The following TTC21B variants were observed in gnomAD, a reference collection of about 807,000 sequenced individuals.
TTC21B encodes tetratricopeptide repeat protein 21B.
A neutral mutation model predicts 175.1 loss-of-function variants in TTC21B; 127 were observed. That is an observed-to-expected ratio of 0.73 (90% CI 0.63 to 0.84). The LOEUF is 0.84. Ranked by LOEUF, TTC21B falls within the 40% of genes least tolerant of loss-of-function variation. The pLI is 0.00. For missense variants in TTC21B, 1,561 were observed against 1,558.3 expected (o/e 1.00, Z -0.03); for synonymous variants, 524 against 524.5 (o/e 1.00, Z 0.01).
chr2:165,878,971 T>C (rs3791842), intron 27 of TTC21B, among the ~76,000 whole-genome samples: 107,842 of 151,774 alleles, frequency 0.71, 38,856 homozygotes, highest in African/African-American at 0.83. Flanking sequence ...TGTGAGCCAC[T>C]GCGCCTGGCC....
Position 165,933,060 on chromosome 2 carries a change from G to T in TTC21B, c.711-3C>A, listed in dbSNP as rs777108864. On this transcript the variant is annotated splice_polypyrimidine_tract_variant and splice_region_variant and intron_variant, in intron 6 of 28. Transcript: ENST00000243344. ...TTTGGCTATCTTGGAGCAGCAACCTGCAGGAAAACAATTTAGTTAATGTCA... is the reference window on the plus strand; with the variant it reads ...TTTGGCTATCTTGGAGCAGCAACCTTCAGGAAAACAATTTAGTTAATGTCA... The T allele has an allele frequency of 1.2e-6, 2 of 1,611,162 alleles. No homozygotes were observed. The highest frequency in any genetic ancestry group is 8.5e-7 in the Non-Finnish European group (1 of 1,178,472).
intron 4 of TTC21B, 72 bp from the exon 5 acceptor site, chr2:165,943,413 G>A (rs1360983222): frequency 1.6e-6 from 2 of 1,225,278 alleles, no homozygotes; most frequent in African/African-American, 3.0e-5. Flanking sequence ...AGAGCCTAAT[G>A]TCATTTTTCT....
intron 15 of TTC21B, among the ~76,000 whole-genome samples, chr2:165,914,113 AT>A (rs1686056170): frequency 6.6e-6 from 1 of 152,204 alleles, no homozygotes; most frequent in Non-Finnish European, 1.5e-5. Context: ...TGTTGCTTAC[AT>A]TTGACCTGAA....
rs1290230939 is a variant in TTC21B, at chr2:165,929,219, A to G, written c.1302T>C (p.Pro434=). ...GCTTTTCAAAATACTGTATGCCAAG[A>G]GGCAAACCTTCTAATTGTGAAAAGT... ...DTHFSQLEGL[P]LGIQYFEKLN... The change falls in exon 11 of 29, where the codon CCT becomes CCC. Residue 434 remains proline, a synonymous_variant. Transcript: ENST00000243344. The G allele has an allele frequency of 1.2e-6, 2 of 1,612,928 alleles. No homozygotes were observed. The highest frequency in any genetic ancestry group is 1.3e-5 in the African/African-American group (1 of 74,910).
At chr2:165,937,972 G>A (rs908691364) in intron 6 of TTC21B, among the ~76,000 whole-genome samples, 1 of 151,990 alleles carries the variant, frequency 6.6e-6, no homozygotes, top group Admixed American at 6.6e-5. Flanking sequence ...TACACAAAAT[G>A]AGCCTGGACA....
intron 5 of TTC21B, among the ~76,000 whole-genome samples, chr2:165,942,764 C>T (rs879739080): frequency 6.6e-6 from 1 of 152,196 alleles, no homozygotes; most frequent in Non-Finnish European, 1.5e-5. Flanking sequence ...ACTGGAAGTT[C>T]ATGCCCTAGC....
intron 15 of TTC21B, among the ~76,000 whole-genome samples, chr2:165,914,676 T>TGTGTGTGTGTGTGTGTGCGCGCGC (rs1553511307): frequency 1.1e-4 from 13 of 118,448 alleles, no homozygotes; most frequent in African/African-American, 5.3e-4. Flanking sequence ...TGTGTGTGTG[T>TGTGTGTGTGTGTGTGTGCGCGCGC]GTGTGTGTGT....
In TTC21B at chr2:165,898,687, T is replaced by G; in HGVS notation, c.2949A>C (p.Pro983=). The change falls in exon 22 of 29, where the codon CCA becomes CCC. Residue 983 remains proline (P), a splice_region_variant and synonymous_variant. Coordinates refer to ENST00000243344, the MANE Select transcript of TTC21B (RefSeq NM_024753.5). ...FHLQQLLERK[P]DNYMTLSRLI... The stretch of plus-strand genomic sequence containing the variant: ...AAAATACAATAAGTAGGTATTTACC[T>G]GGCTTACGTTCTAAAAGCTGCTGTA... 3.7e-6 allele frequency: 6 copies of G among 1,604,724 alleles called. No individual in the cohort carries two copies. Among genetic ancestry groups the G allele is most frequent in the Middle Eastern group, 1.7e-4 (1 of 6,052 alleles).
In TTC21B at chr2:165,949,401, A is replaced by C. The variant is rs939490753; in HGVS notation, c.255T>G (p.Pro85=). Residue 85 remains proline, a synonymous_variant, in exon 3 of 29, where the codon CCT becomes CCG. Coordinates refer to ENST00000243344, the MANE Select transcript of TTC21B (RefSeq NM_024753.5). ...LALIYAHKMS[P]NPDREAILES... ...TGCATTTAAATATCATACCTGGATT[A>C]GGACTCATTTTATGGGCATATATCA... is the stretch of plus-strand genomic sequence containing the variant. 1.9e-6 allele frequency: 3 copies of C among 1,607,832 alleles called. No homozygotes were observed. Among genetic ancestry groups the C allele is most frequent in the Non-Finnish European group, 8.5e-7 (1 of 1,174,350 alleles).
At chr2:165,895,213 T>TA (rs1406229358) in intron 22 of TTC21B, among the ~76,000 whole-genome samples, 2 of 152,148 alleles carry the variant, frequency 1.3e-5, no homozygotes, top group African/African-American at 2.4e-5. Context: ...AGCATGGTTG[T>TA]ATGTCATTTG....
At chr2:165,914,698 T>TGTGTGTGTACGTGCGCGCGCGCGCGTGTG (rs71031214) in intron 15 of TTC21B, among the ~76,000 whole-genome samples, 1 of 132,376 alleles carries the variant, frequency 7.6e-6, no homozygotes, top group Admixed American at 7.5e-5. Flanking sequence ...TGTGTGTGTG[T>TGTGTGTGTACGTGCGCGCGCGCGCGTGTG]TGTGTATCCC....
chr2:165,885,051 G>A (rs1050147423), intron 25 of TTC21B, among the ~76,000 whole-genome samples: 1 of 152,170 alleles, frequency 6.6e-6, no homozygotes, highest in Non-Finnish European at 1.5e-5. Context: ...TCAGGAGGCT[G>A]AAGTGGGAGG....
At chr2:165,900,102 CA>C (rs916174905) in intron 20 of TTC21B, among the ~76,000 whole-genome samples, 3 of 148,392 alleles carry the variant, frequency 2.0e-5, no homozygotes, top group African/African-American at 7.4e-5. Context: ...TAACTCACTT[CA>C]AAAGTAGAGA....
intron 19 of TTC21B, 97 bp from the exon 20 acceptor site, chr2:165,902,007 T>C: frequency 9.5e-7 from 1 of 1,057,020 alleles, no homozygotes; most frequent in Non-Finnish European, 1.4e-6. Flanking sequence ...TATTTAAACA[T>C]TATGAACCCT....
chr2:165,888,558 A>C, intron 24 of TTC21B, 84 bp from the exon 25 acceptor site: 1 of 1,040,626 alleles, frequency 9.6e-7, no homozygotes, highest in Non-Finnish European at 1.5e-6. Context: ...TGTACACAAA[A>C]GCTCTGGGCA....
Position 165,908,577 on chromosome 2 carries a change from T to C in TTC21B, c.2462-793A>G, listed in dbSNP as rs547842241. Among the ~76,000 whole-genome samples the C allele has an allele frequency of 2.6e-5, 4 of 152,244 alleles. No individual in the cohort carries two copies. In the East Asian group the frequency reaches 5.8e-4, roughly 22 times the overall value. On this transcript the variant is annotated intron_variant, in intron 18 of 28. Transcript: ENST00000243344. ...ACGCCATGCCACTTTACCAACTAGGTAGTCCTGGACACATCAATAAAACTG... is the reference window on the plus strand; with the variant it reads ...ACGCCATGCCACTTTACCAACTAGGCAGTCCTGGACACATCAATAAAACTG...
chr2:165,950,896 C>T (rs1271693985), intron 1 of TTC21B, among the ~76,000 whole-genome samples: 1 of 152,204 alleles, frequency 6.6e-6, no homozygotes, highest in African/African-American at 2.4e-5. Flanking sequence ...GCGTGAGCCA[C>T]CACGCCCGTC....
chr2:165,934,500 C>CAAAAAAAAA (rs369089707), intron 6 of TTC21B, among the ~76,000 whole-genome samples: 23 of 71,884 alleles, frequency 3.2e-4, no homozygotes, highest in Non-Finnish European at 4.2e-4. Context: ...GACTCTGTCT[C>CAAAAAAAAA]AAAAAAAAAA....
At chr2:165,917,738 T>C (rs1480157288) in intron 13 of TTC21B, among the ~76,000 whole-genome samples, 1 of 152,220 alleles carries the variant, frequency 6.6e-6, no homozygotes, top group African/African-American at 2.4e-5. Context: ...GAAGAGAAAG[T>C]GCAAACAAGC....
Sources: gnomAD v4.1 joint callset for allele counts (sites outside exome capture counted in the v4.1 genomes callset) on GRCh38, gnomAD v4.1.1 for gene constraint, MANE v1.5 for transcripts, NCBI Gene and HGNC (gene_info 2026-07-23, HGNC 2026-07-21) for gene names.